The following PBX1 variants were observed in gnomAD, a reference collection of about 807,000 sequenced individuals.
PBX1 encodes PBX homeobox 1.
A neutral mutation model predicts 53.4 loss-of-function variants in PBX1; 6 were observed. The observed-to-expected ratio is 0.11, with a 90% CI of 0.06 to 0.22. The LOEUF is 0.22. PBX1 is among the 10% of genes least tolerant of loss of function. The pLI is 1.00. For missense variants in PBX1, 251 were observed against 551.4 expected (o/e 0.46, Z 5.46); for synonymous variants, 204 against 212.3 (o/e 0.96, Z 0.34).
At chr1:164,717,668 T>A (rs1418729116) in intron 2 of PBX1, among the ~76,000 whole-genome samples, 1 of 152,094 alleles carries the variant, frequency 6.6e-6, no homozygotes, top group Non-Finnish European at 1.5e-5. Flanking sequence ...TCATTTCCAA[T>A]GGAGAAATGA....
At chr1:164,863,787 A>G (rs1672150873) in intron 2 of PBX1, among the ~76,000 whole-genome samples, 1 of 152,180 alleles carries the variant, frequency 6.6e-6, no homozygotes, top group African/African-American at 2.4e-5. Context: ...AGAGCAAGGA[A>G]TGGTCCCCAA....
intron 3 of PBX1, among the ~76,000 whole-genome samples, chr1:164,795,040 A>G (rs1306449776): frequency 6.6e-6 from 1 of 151,734 alleles, no homozygotes; most frequent in African/African-American, 2.4e-5. Context: ...GCCATAGTAC[A>G]TTTTAATAGC....
chr1:164,877,327 T>G (rs1451362019), intron 2 of PBX1, among the ~76,000 whole-genome samples: 1 of 151,956 alleles, frequency 6.6e-6, no homozygotes, highest in East Asian at 1.9e-4. Flanking sequence ...TTCCTAATAA[T>G]GATTAAACCC....
At chr1:164,823,470 G>A (rs1670265431) in intron 8 of PBX1, among the ~76,000 whole-genome samples, 1 of 152,084 alleles carries the variant, frequency 6.6e-6, no homozygotes, top group African/African-American at 2.4e-5. Flanking sequence ...AAGAGTGTAG[G>A]GACAAGAACC....
In PBX1 at chr1:164,640,019, C is replaced by G. The variant is rs147134495; in HGVS notation, c.265+76708C>G. ...ATGGCCTGATGGTATAGACGAAGCC[C>G]CTGCCAAAGCCAGAGGGGCTGGAGT... On this transcript the variant is annotated intron_variant, in intron 2 of 8. Coordinates refer to ENST00000420696, the MANE Select transcript of PBX1 (RefSeq NM_002585.4). Among the ~76,000 whole-genome samples, 858 of 152,090 alleles carry G rather than the reference C, an allele frequency of 5.6e-3. 10 individuals are homozygous for G. The highest frequency in any genetic ancestry group is 0.019 in the African/African-American group (801 of 41,452).
downstream of PBX1, among the ~76,000 whole-genome samples, chr1:164,855,141 T>C (rs1159719590): frequency 6.6e-6 from 1 of 152,070 alleles, no homozygotes; most frequent in African/African-American, 2.4e-5. Flanking sequence ...AGATGAGGTC[T>C]TGCCATGTTG....
chr1:164,645,697 G>C (rs1571139088), intron 2 of PBX1, among the ~76,000 whole-genome samples: 1 of 152,286 alleles, frequency 6.6e-6, no homozygotes, highest in South Asian at 2.1e-4. Context: ...CGTACACACA[G>C]ATATATACCT....
rs1031224482 is a variant in PBX1, at chr1:164,565,328, T to C, written c.265+2017T>C. Among the ~76,000 whole-genome samples, 15 of 152,030 alleles carry C rather than the reference T, an allele frequency of 9.9e-5. 1 individual carries two copies. The highest frequency in any genetic ancestry group is 1.8e-4 in the Non-Finnish European group (12 of 68,002). On this transcript the variant is annotated intron_variant, in intron 2 of 8. Coordinates refer to ENST00000420696, the MANE Select transcript of PBX1 (RefSeq NM_002585.4). ...AGACTTAAAAAAATCTAAATTAAGG[T>C]TTTTTGTGTTGTCTCTAGAATAACA...
chr1:164,799,080 G>T (rs1346672174), intron 3 of PBX1, among the ~76,000 whole-genome samples: 1 of 152,118 alleles, frequency 6.6e-6, no homozygotes, highest in Non-Finnish European at 1.5e-5. Context: ...TGGGAAAAAG[G>T]GTGGTGTAGT....
At chr1:164,720,763 G>A (rs558095915) in intron 2 of PBX1, among the ~76,000 whole-genome samples, 19 of 152,304 alleles carry the variant, frequency 1.2e-4, no homozygotes, top group East Asian at 3.9e-4. Context: ...TAGCAGTGGC[G>A]TTTGGGCAGG....
At chr1:164,844,341 C>T (rs1289562178) in intron 8 of PBX1, among the ~76,000 whole-genome samples, 1 of 152,038 alleles carries the variant, frequency 6.6e-6, no homozygotes, top group Non-Finnish European at 1.5e-5. Context: ...ACCCCTACCT[C>T]CTGCCCCTAC....
At chr1:164,782,940 G>T (rs1220235949) in intron 2 of PBX1, among the ~76,000 whole-genome samples, 1 of 152,174 alleles carries the variant, frequency 6.6e-6, no homozygotes, top group Admixed American at 6.5e-5. Context: ...AGTACAAATA[G>T]TGTCTTTACC....
chr1:164,659,518 G>C (rs1660361288), intron 2 of PBX1, among the ~76,000 whole-genome samples: 2 of 152,190 alleles, frequency 1.3e-5, no homozygotes, highest in Non-Finnish European at 2.9e-5. Context: ...GAATCAAGTG[G>C]AGTTCTTTGA....
chr1:164,830,774 C>T (rs557065645), intron 8 of PBX1, among the ~76,000 whole-genome samples: 1 of 152,312 alleles, frequency 6.6e-6, no homozygotes, highest in East Asian at 1.9e-4. Flanking sequence ...GCCGTTTCTT[C>T]CTCCCTGCCC....
chr1:164,818,115 C>T (rs1208496304), intron 6 of PBX1: 1 of 152,046 alleles, frequency 6.6e-6, no homozygotes, highest in Admixed American at 6.6e-5. Flanking sequence ...TAATACATTA[C>T]AAAATGACTT....
chr1:164,708,560 C>CT (rs1194382009), intron 2 of PBX1, among the ~76,000 whole-genome samples: 1 of 152,128 alleles, frequency 6.6e-6, no homozygotes, highest in African/African-American at 2.4e-5. Flanking sequence ...CTCCCTCCTC[C>CT]TTTTTGGAAA....
chr1:164,870,460 TCA>T (rs2102453958), intron 2 of PBX1, among the ~76,000 whole-genome samples: 1 of 152,014 alleles, frequency 6.6e-6, no homozygotes, highest in African/African-American at 2.4e-5. Context: ...TTCTCTTGTC[TCA>T]GTCTCCCAAG....
At position 164,847,399 on chromosome 1, in the gene PBX1, AC is replaced by A. The variant is rs1167222730; in HGVS notation, c.*724del. The A allele has an allele frequency of 2.0e-5, 21 of 1,064,240 alleles. No homozygotes were observed. The highest frequency in any genetic ancestry group is 2.3e-5 in the Non-Finnish European group (20 of 878,680). The allele number at this position is 1,064,240 out of a possible 1,614,324, so 65.9% of individuals were successfully genotyped here. A position where few individuals can be genotyped will look rare whatever the true frequency, so the allele number is the denominator to read the frequency against. On this transcript the variant is annotated 3_prime_UTR_variant, in exon 9 of 9. Transcript: ENST00000420696. Reference sequence around the variant, plus strand: ...AGGAAGTCAGGCAGCAGGGAAGGACACGGGAACAGCAGGTGGAGAATTCCTA... The same window carrying A: ...AGGAAGTCAGGCAGCAGGGAAGGACAGGGAACAGCAGGTGGAGAATTCCTA...
At chr1:164,806,986 C>T (rs958212104) in intron 4 of PBX1, among the ~76,000 whole-genome samples, 2 of 152,238 alleles carry the variant, frequency 1.3e-5, no homozygotes, top group African/African-American at 4.8e-5. Flanking sequence ...GGGCTGGGCG[C>T]GGTGGCTCAT....
Sources: gnomAD v4.1 joint callset for allele counts (sites outside exome capture counted in the v4.1 genomes callset) on GRCh38, gnomAD v4.1.1 for gene constraint, MANE v1.5 for transcripts, NCBI Gene and HGNC (gene_info 2026-07-23, HGNC 2026-07-21) for gene names.